Variants in PCM1 observed in about 807,000 individuals in gnomAD.
The protein encoded by PCM1 is pericentriolar material 1, also known as pericentriolar material 1 protein.
A neutral mutation model predicts 241.9 loss-of-function variants in PCM1; 157 were observed. That is an observed-to-expected ratio of 0.65 (90% confidence interval 0.57 to 0.74). The LOEUF (loss-of-function observed/expected upper bound fraction) is 0.74. PCM1 is among the 30% of genes least tolerant of loss of function. The probability of loss-of-function intolerance (pLI) is 0.00; values close to 1 mark genes in which losing one functional copy is unlikely to be tolerated. For missense variants in PCM1, 3,478 were observed against 2,360.1 expected (o/e 1.47, Z -9.81); for synonymous variants, 1,085 against 784.9 (o/e 1.38, Z -6.39).
chr8:17,948,330 A>T (rs2064653461), intron 7 of PCM1, among the ~76,000 whole-genome samples: 1 of 87,282 alleles, frequency 1.1e-5, no homozygotes, highest in South Asian at 3.8e-4. Context: ...TTGGAGACAG[A>T]GTTTTGCTCT....
intron 36 of PCM1, among the ~76,000 whole-genome samples, chr8:18,020,366 G>A (rs1034435667): frequency 2.6e-5 from 4 of 152,128 alleles, no homozygotes; most frequent in Non-Finnish European, 5.9e-5. Flanking sequence ...CAAGTTACAC[G>A]TGCAGTTGAA....
chr8:18,029,824 A>AAAGT lies in PCM1; in HGVS notation c.*2162_*2163insAAGT, dbSNP rs1304962505. 3 of 196,628 alleles carry AAAGT rather than the reference A, an allele frequency of 1.5e-5. No individual in the cohort carries two copies. The highest frequency in any genetic ancestry group is 3.2e-5 in the Non-Finnish European group (3 of 94,744). The allele number at this position is 196,628 out of a possible 1,614,324, so 12.2% of individuals were successfully genotyped here. On this transcript the variant is annotated 3_prime_UTR_variant, in exon 39 of 39. Transcript: ENST00000325083. ...TTCAAAATGAGTGAGAGAGAACTTT[A>AAAGT]TGCAGGTTGAGATAATGCCTAAAAT...
chr8:17,932,007 A>G (rs1177079954), intron 2 of PCM1, among the ~76,000 whole-genome samples: 3 of 152,130 alleles, frequency 2.0e-5, no homozygotes, highest in African/African-American at 4.8e-5. Context: ...AAAGTTTCTT[A>G]GCTTTTGTTT....
intron 15 of PCM1, 46 bp from the exon 16 acceptor site, chr8:17,961,988 T>C (rs760304277): frequency 6.5e-7 from 1 of 1,545,886 alleles, no homozygotes. Context: ...GAAATTAATA[T>C]AATTGCTTTA....
rs773536166 is a variant in PCM1 at position 17,938,808 on chromosome 8, C to A, written c.411C>A (p.Asn137Lys). ...AANNKRQLSE[N>K]RKPFNFLPMQ... ...ACAACAAACGTCAGCTTAGTGAAAA[C>A]CGAAAGCCCTTCAACTTTTTGCCTA... The change falls in exon 5 of 39, where the codon AAC becomes AAA. Residue 137 changes from asparagine to lysine, a missense_variant. By Grantham distance (94) the Asn-to-Lys change is moderately conservative. Transcript: ENST00000325083. 3.7e-6 allele frequency: 6 copies of A among 1,613,146 alleles called. No homozygotes were observed. Among genetic ancestry groups the A allele is most frequent in the South Asian group, 3.3e-5 (3 of 91,072 alleles).
At chr8:17,983,648 A>G (rs6586675) in intron 24 of PCM1, among the ~76,000 whole-genome samples, 1 of 151,904 alleles carries the variant, frequency 6.6e-6, no homozygotes, top group South Asian at 2.1e-4. Context: ...TTATCTTTCC[A>G]TTTCAGTCAG....
chr8:18,014,939 T>C (rs2092979925), intron 36 of PCM1, 99 bp downstream of exon 36: 1 of 1,083,362 alleles, frequency 9.2e-7, no homozygotes, highest in Admixed American at 2.6e-5. Flanking sequence ...CCATTTTGTG[T>C]TTAGGTTTAG....
intron 31 of PCM1, 35 bp downstream of exon 31, chr8:18,009,779 GAC>G (rs1453511454): frequency 8.0e-7 from 1 of 1,247,558 alleles, no homozygotes; most frequent in Non-Finnish European, 1.1e-6. Flanking sequence ...TAGGATAATT[GAC>G]ACATAAATAC....
chr8:17,999,550 C>G (rs1054208241), intron 29 of PCM1, among the ~76,000 whole-genome samples: 1 of 151,944 alleles, frequency 6.6e-6, no homozygotes, highest in Non-Finnish European at 1.5e-5. Context: ...ACACAAAGTC[C>G]TTTTTACTCC....
chr8:17,990,111 C>T (rs1285531021), intron 27 of PCM1, 132 bp downstream of exon 27: 3 of 631,290 alleles, frequency 4.8e-6, no homozygotes, highest in Non-Finnish European at 7.4e-6. Flanking sequence ...ACTTAATTAT[C>T]TATCAGTCTA....
intron 3 of PCM1, 132 bp from the exon 4 acceptor site, chr8:17,937,002 C>G (rs1250404437): frequency 3.1e-6 from 2 of 635,548 alleles, no homozygotes; most frequent in South Asian, 2.4e-5. Flanking sequence ...ATATTTGTCT[C>G]TAGGAGTATA....
At position 18,011,730 on chromosome 8, in the gene PCM1, A is replaced by T. The variant is rs766704624; in HGVS notation, c.5414A>T (p.Asp1805Val). The change falls in exon 34 of 39, where the codon GAT (aspartate) becomes GTT (valine). Residue 1805 changes from aspartate (D) to valine (V), a missense_variant. Physicochemically the swap from Asp to Val is radical, Grantham distance 152. Transcript: ENST00000325083. ...GGAAGTGGAGAAGATGAAAATGAGG[A>T]TGAAGAAATGGAAGAATTTGAAGAA... ...NYGSGEDENE[D>V]EEMEEFEEGP... The T allele has an allele frequency of 6.8e-6, 11 of 1,613,562 alleles. No homozygotes were observed. Among genetic ancestry groups the T allele is most frequent in the Middle Eastern group, 1.7e-4 (1 of 6,060 alleles).
chr8:17,964,378 C>G (rs554738710), intron 17 of PCM1, among the ~76,000 whole-genome samples, 190 bp from the exon 18 acceptor site: 1 of 152,246 alleles, frequency 6.6e-6, no homozygotes, highest in South Asian at 2.1e-4. Flanking sequence ...TTGAGGAAGG[C>G]AAACTAAACA....
intron 4 of PCM1, among the ~76,000 whole-genome samples, chr8:17,938,004 A>G (rs2060921186): frequency 6.6e-6 from 1 of 152,164 alleles, no homozygotes; most frequent in Non-Finnish European, 1.5e-5. Flanking sequence ...ACTGAGCTGA[A>G]TACTTTTTCA....
Position 17,973,795 on chromosome 8 carries a change from A to G in PCM1, c.3943+1108A>G, listed in dbSNP as rs142691059. Among the ~76,000 whole-genome samples the G allele has an allele frequency of 7.9e-5, 12 of 152,274 alleles. No homozygotes were observed. The East Asian group carries it at 2.1e-3, about 27-fold the overall frequency. Reference sequence around the variant, plus strand: ...CAGGAAAGTTTGAAATGCATTGCACACTGCTAACTCCCTTTCTTGGAAGTT... The same window carrying G: ...CAGGAAAGTTTGAAATGCATTGCACGCTGCTAACTCCCTTTCTTGGAAGTT... On this transcript the variant is annotated intron_variant, in intron 23 of 38. Coordinates refer to ENST00000325083, the MANE Select transcript of PCM1 (RefSeq NM_006197.4).
chr8:17,935,766 C>G, intron 3 of PCM1, 60 bp downstream of exon 3: 1 of 812,978 alleles, frequency 1.2e-6, no homozygotes, highest in Non-Finnish European at 2.1e-6. Flanking sequence ...TGCAGTTTTC[C>G]CCCTGACCAA....
intron 1 of PCM1, 117 bp from the exon 2 acceptor site, chr8:17,924,596 T>C (rs2056154107): frequency 6.6e-6 from 1 of 152,242 alleles, no homozygotes; most frequent in Non-Finnish European, 1.5e-5. Context: ...AGTTATATTT[T>C]TCCCCTTCTT....
chr8:17,964,436 T>G (rs981465005), intron 17 of PCM1, 132 bp from the exon 18 acceptor site: 2 of 637,542 alleles, frequency 3.1e-6, no homozygotes, highest in Non-Finnish European at 5.3e-6. Flanking sequence ...GTAGCATAGT[T>G]ATTGTGATTA....
intron 29 of PCM1, among the ~76,000 whole-genome samples, chr8:17,994,716 TTGGG>T (rs2085986996): frequency 2.0e-5 from 3 of 151,784 alleles, no homozygotes; most frequent in African/African-American, 7.3e-5. Context: ...TTGCCTGTCT[TTGGG>T]ATAAGTGCCA....
Sources: allele counts gnomAD v4.1 joint callset (sites outside exome capture counted in the v4.1 genomes callset), GRCh38; gene constraint gnomAD v4.1.1; transcripts MANE v1.5; gene names NCBI Gene and HGNC (gene_info 2026-07-23, HGNC 2026-07-21).